Variants in KIF23 observed in about 807,000 individuals in gnomAD.
The protein encoded by KIF23 is kinesin-like protein KIF23.
In KIF23, 30 loss-of-function variants were observed where a neutral mutation model predicts 137.5. The ratio of observed to expected loss-of-function variants is 0.22; its 90% CI spans 0.16 to 0.30. The LOEUF (loss-of-function observed/expected upper bound fraction) is 0.30, where lower values mean the gene tolerates loss of function less well. KIF23 is among the 10% of genes least tolerant of loss of function. The pLI is 1.00. For missense variants in KIF23, 920 were observed against 1,194.3 expected, an observed-to-expected ratio of 0.77 and a Z score of 3.38; for synonymous variants, 367 against 391.1, an observed-to-expected ratio of 0.94 and a Z score of 0.73.
chr15:69,423,227 A>T lies in KIF23; in HGVS notation c.632A>T (p.Asp211Val). 1.3e-6 allele frequency: 2 copies of T among 1,598,236 alleles called. No homozygotes were observed. The highest frequency in any genetic ancestry group is 1.7e-6 in the Non-Finnish European group (2 of 1,168,202). Reference protein sequence around the residue: ...VQEFCKAEEVDEDSVYGVFVS... With the variant: ...VQEFCKAEEVVEDSVYGVFVS... ...GAATTCTGCAAAGCAGAAGAGGTTG[A>T]TGAAGATAGTGTCTATGGTGTATTT... The change falls in exon 7 of 24, where the codon GAT (aspartate) becomes GTT (valine). Residue 211 changes from aspartate (D) to valine (V), a missense_variant. By Grantham distance (152) the Asp-to-Val change is radical. Transcript: ENST00000679126.
At chr15:69,447,007 A>T (rs1382347661) in intron 23 of KIF23, 66 bp downstream of exon 23, 1 of 1,330,562 alleles carries the variant, frequency 7.5e-7, no homozygotes, top group African/African-American at 1.4e-5. Context: ...TTACATTATC[A>T]CTCCTTCTAC....
At chr15:69,429,357 T>C in intron 11 of KIF23, 144 bp downstream of exon 11, 1 of 626,834 alleles carries the variant, frequency 1.6e-6, no homozygotes, top group Non-Finnish European at 2.8e-6. Context: ...CAGGATGGAA[T>C]GCAGTGGTGT....
intron 2 of KIF23, 59 bp from the exon 3 acceptor site, chr15:69,417,324 A>T: frequency 6.9e-7 from 1 of 1,453,726 alleles, no homozygotes; most frequent in Non-Finnish European, 9.2e-7. Flanking sequence ...GAGAAGCTTA[A>T]GTGAAAAATC....
intron 7 of KIF23, among the ~76,000 whole-genome samples, chr15:69,424,900 T>C (rs1019229922): frequency 3.3e-5 from 5 of 152,240 alleles, no homozygotes; most frequent in African/African-American, 9.6e-5. Flanking sequence ...CCCATTTTCA[T>C]GTATGCTCGT....
At chr15:69,440,709 A>G in intron 18 of KIF23, 59 bp from the exon 19 acceptor site, 2 of 1,394,468 alleles carry the variant, frequency 1.4e-6, no homozygotes, top group South Asian at 1.4e-5. Context: ...TAGAAAAGTA[A>G]TGAATTGTTT....
chr15:69,417,398 C>T lies in KIF23; in HGVS notation c.97C>T (p.Arg33Cys), dbSNP rs201609650. 6.8e-6 allele frequency: 11 copies of T among 1,609,464 alleles called. No homozygotes were observed. The highest frequency in any genetic ancestry group is 1.7e-5 in the Admixed American group (1 of 59,170). Residue 33 changes from arginine (R) to cysteine (C), a missense_variant, in exon 3 of 24, where the codon CGC becomes TGC. Around this residue, in one of 4 missense-constraint regions of KIF23, gnomAD observed 124 missense variants for 122.0 expected, o/e 1.02. Coordinates refer to ENST00000679126, the MANE Select transcript of KIF23 (RefSeq NM_001367805.3). ...ATTTCTTCAGGTATACTGTAGGGTG[C>T]GCCCACTGGGCTTTCCTGATCAAGA... ...KDPVGVYCRV[R>C]PLGFPDQECC... is the part of the protein sequence containing the mutation.
At chr15:69,420,031 G>A (rs939151701) in intron 3 of KIF23, among the ~76,000 whole-genome samples, 11 of 152,136 alleles carry the variant, frequency 7.2e-5, no homozygotes, top group African/African-American at 2.4e-4. Context: ...TTGGGAGGCC[G>A]AGGCAGAGGG....
rs762351213 is a variant in KIF23, at chr15:69,423,196, G to C, written c.601G>C (p.Val201Leu). ...TCCAGAGTTTGCAGATATGATAACT[G>C]TACAAGAATTCTGCAAAGCAGAAGA... ...VDPEFADMIT[V>L]QEFCKAEEVD... The change falls in exon 7 of 24, where the codon GTA (valine) becomes CTA (leucine). Residue 201 changes from valine (V) to leucine (L), a missense_variant. By Grantham distance (32) the Val-to-Leu change is conservative. Around this residue, in one of 4 missense-constraint regions of KIF23, gnomAD observed 714 missense variants for 866.2 expected, o/e 0.82. Coordinates refer to ENST00000679126, the MANE Select transcript of KIF23 (RefSeq NM_001367805.3). 13 of 1,602,256 alleles carry C rather than the reference G, an allele frequency of 8.1e-6. No individual in the cohort carries two copies. The highest frequency in any genetic ancestry group is 6.0e-6 in the Non-Finnish European group (7 of 1,173,582).
rs576265493 is a variant in KIF23, at chr15:69,438,566, G to A, written c.1755+161G>A. Among the ~76,000 whole-genome samples, 35 of 152,280 alleles carry A rather than the reference G, an allele frequency of 2.3e-4. 1 individual carries two copies. Among genetic ancestry groups the A allele is most frequent in the African/African-American group, 7.2e-4 (30 of 41,562 alleles). On this transcript the variant is annotated intron_variant, in intron 16 of 23. Transcript: ENST00000679126. ...TAATTCCAACACTTTGGGAGGCTGAGGTGGCCAGATCATCTGAGGTCAGGA... is the reference window on the plus strand; with the variant it reads ...TAATTCCAACACTTTGGGAGGCTGAAGTGGCCAGATCATCTGAGGTCAGGA...
At chr15:69,429,969 A>T (rs567199120) in intron 11 of KIF23, among the ~76,000 whole-genome samples, 43 of 152,236 alleles carry the variant, frequency 2.8e-4, no homozygotes, top group African/African-American at 9.6e-4. Flanking sequence ...GCAATCCCTG[A>T]TCTCACCACT....
chr15:69,427,017 C>T (rs976679149), intron 10 of KIF23, among the ~76,000 whole-genome samples: 1 of 152,096 alleles, frequency 6.6e-6, no homozygotes, highest in African/African-American at 2.4e-5. Context: ...GTGCGTGGCT[C>T]ATGCCTGTAA....
Position 69,446,273 on chromosome 15 carries a change from C to T in KIF23, c.2757-10C>T. On this transcript the variant is annotated splice_polypyrimidine_tract_variant and intron_variant, in intron 21 of 23. Transcript: ENST00000679126. ...AAAATAATTGTTGCATCATGTTTCC[C>T]CTTTTTCAGTAGTCGAAAACGAAGA... is the stretch of plus-strand genomic sequence containing the variant. 1 of 1,612,710 alleles carries T rather than the reference C, an allele frequency of 6.2e-7. No individual in the cohort carries two copies. Among genetic ancestry groups the T allele is most frequent in the Non-Finnish European group, 8.5e-7 (1 of 1,178,786 alleles).
Position 69,439,975 on chromosome 15 carries a change from T to G in KIF23, c.1827T>G (p.Thr609=), listed in dbSNP as rs1290182329. 6.2e-7 allele frequency: 1 copy of G among 1,613,984 alleles called. No individual in the cohort carries two copies. ...DKRNLQQELE[T]QNQKLQRQFS... ...GCAATTTGCAACAGGAACTTGAAACTCAGAACCAGAAACTTCAGCGACAGT... is the reference window on the plus strand; with the variant it reads ...GCAATTTGCAACAGGAACTTGAAACGCAGAACCAGAAACTTCAGCGACAGT... Residue 609 remains threonine (T), a synonymous_variant, in exon 17 of 24, where the codon ACT becomes ACG. Coordinates refer to ENST00000679126, the MANE Select transcript of KIF23 (RefSeq NM_001367805.3).
At chr15:69,425,184 G>T in intron 7 of KIF23, 98 bp from the exon 8 acceptor site, 1 of 872,594 alleles carries the variant, frequency 1.1e-6, no homozygotes, top group Non-Finnish European at 1.8e-6. Flanking sequence ...GGGTTTTTAA[G>T]ATATGACTCA....
intron 8 of KIF23, 33 bp from the exon 9 acceptor site, chr15:69,426,037 T>A: frequency 7.3e-7 from 1 of 1,369,818 alleles, no homozygotes; most frequent in Non-Finnish European, 9.9e-7. Flanking sequence ...ATCTCATAAT[T>A]TAGGAGACTA....
rs1006031846 is a variant in KIF23 at position 69,446,656 on chromosome 15, T to C, written c.2839-215T>C. The C allele has an allele frequency of 3.4e-5, 21 of 624,974 alleles. No individual in the cohort carries two copies. In the African/African-American group the frequency reaches 3.9e-4, roughly 11 times the overall value. The allele number at this position is 624,974 out of a possible 1,614,324, so 38.7% of individuals were successfully genotyped here. On this transcript the variant is annotated intron_variant, in intron 22 of 23. Coordinates refer to ENST00000679126, the MANE Select transcript of KIF23 (RefSeq NM_001367805.3). ...CTTTGCAAACTTATCTAAAATGAGA[T>C]AAGTTACCTGGATGACCTAAAGACC...
intron 11 of KIF23, chr15:69,434,369 A>C (rs1596005857): frequency 8.3e-6 from 2 of 241,180 alleles, no homozygotes; most frequent in Non-Finnish European, 1.6e-5. Flanking sequence ...TCTTTTTTTT[A>C]AATAATTGGT....
intron 11 of KIF23, among the ~76,000 whole-genome samples, chr15:69,431,041 G>A (rs2057344615): frequency 6.6e-6 from 1 of 152,184 alleles, no homozygotes; most frequent in Admixed American, 6.5e-5. Flanking sequence ...CTAAATACAT[G>A]AAAGAGCAGT....
chr15:69,437,367 G>T (rs2057507119), intron 15 of KIF23, among the ~76,000 whole-genome samples: 1 of 151,538 alleles, frequency 6.6e-6, no homozygotes, highest in East Asian at 1.9e-4. Context: ...AGGATATGTT[G>T]TGAAGATAAA....
Sources: gnomAD v4.1 joint callset for allele counts (sites outside exome capture counted in the v4.1 genomes callset) on GRCh38, gnomAD v4.1.1 for gene constraint, gnomAD v4.1.1 regional missense constraint, MANE v1.5 for transcripts, NCBI Gene and HGNC (gene_info 2026-07-23, HGNC 2026-07-21) for gene names.